Variants in WDR70 observed in about 807,000 individuals in gnomAD.
WDR70 encodes WD repeat domain 70.
WDR70 carries 53 observed loss-of-function variants against 88.6 expected under a neutral mutation model. That is an observed-to-expected ratio of 0.60 (90% CI 0.48 to 0.75). The LOEUF (loss-of-function observed/expected upper bound fraction) is 0.75, where lower values mean the gene tolerates loss of function less well. WDR70 is among the 30% of genes least tolerant of loss of function. WDR70 has a pLI of 0.00. For missense variants in WDR70, 610 were observed against 823.2 expected (o/e 0.74, Z 3.17); for synonymous variants, 280 against 270.0 (o/e 1.04, Z -0.36).
rs546369926 is a variant in WDR70, at chr5:37,462,342, G to A, written c.687-17492G>A. ...TTTTGAGACAGAGTCTCGCTCATTCGCCCAGGCTGTAGTGCGGTGGCGTGA... is the reference window on the plus strand; with the variant it reads ...TTTTGAGACAGAGTCTCGCTCATTCACCCAGGCTGTAGTGCGGTGGCGTGA... On this transcript the variant is annotated intron_variant, in intron 7 of 17. Coordinates refer to ENST00000265107, the MANE Select transcript of WDR70 (RefSeq NM_018034.4). 3.4e-4 allele frequency among the ~76,000 whole-genome samples: 52 copies of A among 151,774 alleles called. No individual in the cohort carries two copies. The East Asian group carries it at 8.4e-3, about 24-fold the overall frequency.
Position 37,753,395 on chromosome 5 carries a change from G to A in WDR70, c.*822G>A, listed in dbSNP as rs1748864936. 1 of 152,136 alleles carries A rather than the reference G, an allele frequency of 6.6e-6. No homozygotes were observed. The highest frequency in any genetic ancestry group is 2.4e-5 in the African/African-American group (1 of 41,438). The allele number at this position is 152,136 out of a possible 1,614,324, so 9.4% of individuals were successfully genotyped here. A position where few individuals can be genotyped will look rare whatever the true frequency, so the allele number is the denominator to read the frequency against. On this transcript the variant is annotated 3_prime_UTR_variant, in exon 18 of 18. Coordinates refer to ENST00000265107, the MANE Select transcript of WDR70 (RefSeq NM_018034.4). ...AAAGGTATAGAATTGCTTTGTAAAT[G>A]TAAAGACTAAACAGAAGACATTAAA...
intron 8 of WDR70, among the ~76,000 whole-genome samples, chr5:37,488,983 G>A (rs1739981644): frequency 6.6e-6 from 1 of 152,186 alleles, no homozygotes. Flanking sequence ...CTATGGTGTT[G>A]GTTAGGTAGG....
chr5:37,564,159 C>T (rs1460401809), intron 9 of WDR70, among the ~76,000 whole-genome samples: 1 of 150,906 alleles, frequency 6.6e-6, no homozygotes, highest in Non-Finnish European at 1.5e-5. Context: ...CGGCACTTTG[C>T]GGGGCCAAGG....
chr5:37,714,618 G>A (rs1747607087), intron 13 of WDR70, among the ~76,000 whole-genome samples: 1 of 152,136 alleles, frequency 6.6e-6, no homozygotes, highest in Non-Finnish European at 1.5e-5. Context: ...GCCCACCAGT[G>A]GGAAGCTCTG....
chr5:37,624,772 G>T (rs921332041), intron 10 of WDR70, among the ~76,000 whole-genome samples: 1 of 152,166 alleles, frequency 6.6e-6, no homozygotes, highest in Non-Finnish European at 1.5e-5. Flanking sequence ...TGGACAAAAA[G>T]GGGTGATCTA....
At chr5:37,609,361 C>T (rs991126526) in intron 10 of WDR70, among the ~76,000 whole-genome samples, 20 of 152,212 alleles carry the variant, frequency 1.3e-4, no homozygotes, top group African/African-American at 4.6e-4. Flanking sequence ...CATATCAAAA[C>T]ACCTATCAGA....
chr5:37,399,778 C>T (rs1026196300), intron 5 of WDR70, among the ~76,000 whole-genome samples: 2 of 151,968 alleles, frequency 1.3e-5, no homozygotes, highest in African/African-American at 4.8e-5. Flanking sequence ...TAGGAAATTA[C>T]CCTTGAAATG....
chr5:37,593,343 T>C (rs1180025981), intron 9 of WDR70, among the ~76,000 whole-genome samples: 2 of 151,638 alleles, frequency 1.3e-5, no homozygotes, highest in African/African-American at 4.8e-5. Flanking sequence ...GGATGTGATG[T>C]TCCCTGCCCT....
chr5:37,511,524 A>G (rs1257474321), intron 8 of WDR70, among the ~76,000 whole-genome samples: 1 of 152,130 alleles, frequency 6.6e-6, no homozygotes, highest in African/African-American at 2.4e-5. Flanking sequence ...TTTTTGCAAG[A>G]AGCCCTGGTT....
At chr5:37,671,188 A>T (rs527844674) in intron 10 of WDR70, among the ~76,000 whole-genome samples, 2 of 152,336 alleles carry the variant, frequency 1.3e-5, no homozygotes, top group South Asian at 2.1e-4. Flanking sequence ...TTGAGAGGTC[A>T]TAGGGATAGG....
chr5:37,392,229 T>A, intron 4 of WDR70, 109 bp downstream of exon 4: 1 of 1,261,744 alleles, frequency 7.9e-7, no homozygotes, highest in Non-Finnish European at 1.1e-6. Context: ...TCTATCGCCC[T>A]CTGCAGTGCA....
At chr5:37,610,120 G>A (rs1311747963) in intron 10 of WDR70, among the ~76,000 whole-genome samples, 2 of 152,052 alleles carry the variant, frequency 1.3e-5, no homozygotes, top group Non-Finnish European at 2.9e-5. Flanking sequence ...TACAAAATTA[G>A]CTGGGCGTGG....
intron 5 of WDR70, among the ~76,000 whole-genome samples, chr5:37,414,408 C>A (rs1294480485): frequency 6.6e-6 from 1 of 152,166 alleles, no homozygotes; most frequent in African/African-American, 2.4e-5. Context: ...CAGAACTTCA[C>A]ATGGCTCCCT....
chr5:37,724,845 T>C, intron 15 of WDR70, 89 bp from the exon 16 acceptor site: 1 of 1,208,012 alleles, frequency 8.3e-7, no homozygotes, highest in Non-Finnish European at 1.2e-6. Context: ...TGACTTCCAT[T>C]TCATCTTTCA....
In WDR70 at chr5:37,443,329, G is replaced by C. The variant is rs764406341; in HGVS notation, c.643G>C (p.Asp215His). 2.5e-6 allele frequency: 4 copies of C among 1,613,952 alleles called. No individual in the cohort carries two copies. Among genetic ancestry groups the C allele is most frequent in the Non-Finnish European group, 3.4e-6 (4 of 1,179,868 alleles). The change falls in exon 7 of 18, where the codon GAT (aspartate) becomes CAT (histidine). Residue 215 changes from aspartate (D) to histidine (H), a missense_variant. By Grantham distance (81) the Asp-to-His change is moderately conservative. Coordinates refer to ENST00000265107, the MANE Select transcript of WDR70 (RefSeq NM_018034.4). ...DVKFWDFAGM[D>H]ASFKAFRSLQ... ...TAAGTTTTGGGATTTTGCTGGAATG[G>C]ATGCTTCTTTTAAGGCATTTCGATC...
At chr5:37,579,547 G>A (rs545873758) in intron 9 of WDR70, among the ~76,000 whole-genome samples, 7 of 130,906 alleles carry the variant, frequency 5.3e-5, no homozygotes, top group Admixed American at 1.8e-4. Context: ...TTGCATCATT[G>A]CACTCCAGCC....
At chr5:37,491,401 C>A (rs547301262) in intron 8 of WDR70, among the ~76,000 whole-genome samples, 8 of 152,304 alleles carry the variant, frequency 5.3e-5, no homozygotes, top group South Asian at 4.1e-4. Context: ...ATCAGTTCAT[C>A]TAGAGCTGAT....
At chr5:37,637,338 AT>A (rs1426973714) in intron 10 of WDR70, among the ~76,000 whole-genome samples, 3 of 117,432 alleles carry the variant, frequency 2.6e-5, no homozygotes, top group African/African-American at 3.9e-5. Flanking sequence ...AAATAAATAA[AT>A]TAAATAAATA....
chr5:37,468,096 G>A (rs1274708260), intron 7 of WDR70, among the ~76,000 whole-genome samples: 6 of 152,002 alleles, frequency 3.9e-5, no homozygotes, highest in East Asian at 1.9e-4. Flanking sequence ...TGATTCACCC[G>A]CCTCGGCCTC....
Sources: gnomAD v4.1 joint callset for allele counts (sites outside exome capture counted in the v4.1 genomes callset) on GRCh38, gnomAD v4.1.1 for gene constraint, MANE v1.5 for transcripts, NCBI Gene and HGNC (gene_info 2026-07-23, HGNC 2026-07-21) for gene names.